Variants in FGF13 observed in about 807,000 individuals in gnomAD.
FGF13 encodes fibroblast growth factor 13.
A neutral mutation model predicts 19.5 loss-of-function variants in FGF13; 2 were observed. The observed-to-expected ratio is 0.10, with a 90% CI of 0.04 to 0.32. The LOEUF (loss-of-function observed/expected upper bound fraction) is 0.32. Ranked by LOEUF, FGF13 falls within the 10% of genes least tolerant of loss-of-function variation. The pLI, the probability that FGF13 is intolerant of heterozygous loss-of-function variation, is 1.00. For missense variants in FGF13, 113 were observed against 192.7 expected (o/e 0.59, Z 2.45); for synonymous variants, 72 against 76.9 (o/e 0.94, Z 0.33).
chrX:139,122,587 T>C (rs1243783274), intron 1 of FGF13, among the ~76,000 whole-genome samples: 1 of 111,991 alleles, frequency 8.9e-6, no homozygotes, highest in Admixed American at 9.5e-5. Flanking sequence ...ACTCTTTTGA[T>C]TCACATTCTT....
At chrX:138,958,162 T>G (rs1396924280) in intron 1 of FGF13, among the ~76,000 whole-genome samples, 1 of 111,857 alleles carries the variant, frequency 8.9e-6, no homozygotes, top group African/African-American at 3.3e-5. Flanking sequence ...GGCTGTGGGT[T>G]TGTCATAAAT....
chrX:138,677,655 C>T (rs2089685011), intron 3 of FGF13, among the ~76,000 whole-genome samples: 1 of 111,158 alleles, frequency 9.0e-6, no homozygotes, highest in South Asian at 3.9e-4. Context: ...GTTAGAATGG[C>T]AATCATTAAA....
At chrX:138,727,498 T>C (rs2124283521) in intron 1 of FGF13, among the ~76,000 whole-genome samples, 1 of 111,714 alleles carries the variant, frequency 9.0e-6, no homozygotes, top group Non-Finnish European at 1.9e-5. Flanking sequence ...AATAACATTC[T>C]GACTAAAGCC....
At chrX:139,118,066 C>T (rs927329462) in intron 1 of FGF13, among the ~76,000 whole-genome samples, 4 of 111,303 alleles carry the variant, frequency 3.6e-5, no homozygotes, top group Non-Finnish European at 7.5e-5. Context: ...CTCTGCAGTT[C>T]GCACAGTCCT....
chrX:138,684,939 C>G (rs2089764336), intron 3 of FGF13, among the ~76,000 whole-genome samples: 1 of 111,324 alleles, frequency 9.0e-6, no homozygotes, highest in Non-Finnish European at 1.9e-5. Context: ...CAGAGAACAA[C>G]AAACAATAAA....
chrX:139,026,327 A>G (rs2092200773), intron 1 of FGF13, among the ~76,000 whole-genome samples: 1 of 111,763 alleles, frequency 8.9e-6, no homozygotes, highest in African/African-American at 3.3e-5. Flanking sequence ...TTAAAATAAA[A>G]ATATCAACTT....
intron 1 of FGF13, among the ~76,000 whole-genome samples, chrX:139,087,757 A>T (rs1343070298): frequency 8.9e-6 from 1 of 112,167 alleles, no homozygotes; most frequent in African/African-American, 3.2e-5. Flanking sequence ...TCATTAACAC[A>T]GCAGTTTCTG....
chrX:138,825,432 G>A (rs990867230), intron 3 of FGF13, among the ~76,000 whole-genome samples: 1 of 112,104 alleles, frequency 8.9e-6, no homozygotes, highest in Non-Finnish European at 1.9e-5. Flanking sequence ...CGTCCATAAT[G>A]TGCAGCTACA....
At chrX:139,152,369 G>A (rs1367697581) in intron 1 of FGF13, among the ~76,000 whole-genome samples, 1 of 99,210 alleles carries the variant, frequency 1.0e-5, no homozygotes, top group Non-Finnish European at 2.2e-5. Flanking sequence ...GGCCTCCGAT[G>A]TGGGCCCAGC....
intron 1 of FGF13, among the ~76,000 whole-genome samples, chrX:139,067,491 A>G (rs1471987232): frequency 7.2e-5 from 8 of 111,760 alleles, no homozygotes; most frequent in Non-Finnish European, 1.5e-4. Flanking sequence ...CACCAATAAT[A>G]GACAAACAGA....
rs1007535952 is a variant in FGF13, at chrX:138,632,589, T to C, written c.*261A>G. 7 of 251,165 alleles carry C rather than the reference T, an allele frequency of 2.8e-5. No homozygotes were observed. The highest frequency in any genetic ancestry group is 4.3e-5 in the Non-Finnish European group (6 of 138,003). The allele number at this position is 251,165 out of a possible 1,213,427, so 20.7% of individuals were successfully genotyped here. A position where few individuals can be genotyped will look rare whatever the true frequency, so the allele number is the denominator to read the frequency against. On this transcript the variant is annotated 3_prime_UTR_variant, in exon 5 of 5. Coordinates refer to ENST00000315930, the MANE Select transcript of FGF13 (RefSeq NM_004114.5). ...TATCATCCCCAAAGTATAGGTGAGA[T>C]CATGAGAAAATTTGGCAGTCCTTCT...
intron 1 of FGF13, among the ~76,000 whole-genome samples, chrX:138,958,472 T>C (rs2091852132): frequency 9.0e-6 from 1 of 111,709 alleles, no homozygotes; most frequent in Non-Finnish European, 1.9e-5. Context: ...ATCAGGGATA[T>C]TGGTTTAAAT....
At chrX:139,064,324 C>T (rs1421356912) in intron 1 of FGF13, among the ~76,000 whole-genome samples, 1 of 50,892 alleles carries the variant, frequency 2.0e-5, no homozygotes, top group Non-Finnish European at 3.0e-5. Flanking sequence ...GAGACGGAGT[C>T]TCGCTCTGTC....
In FGF13 at chrX:138,628,560, C is replaced by G. The variant is rs1349787395; in HGVS notation, c.*4290G>C. 1 of 112,340 alleles carries G rather than the reference C, an allele frequency of 8.9e-6. No individual in the cohort carries two copies. The highest frequency in any genetic ancestry group is 1.9e-5 in the Non-Finnish European group (1 of 53,274). The allele number at this position is 112,340 out of a possible 1,213,427, so 9.3% of individuals were successfully genotyped here. The stretch of plus-strand genomic sequence containing the variant: ...ATTTTACCCATGAATGACATCGCAT[C>G]TAAATGAGGCTTCTAAGACACATTC... On this transcript the variant is annotated 3_prime_UTR_variant, in exon 5 of 5. Transcript: ENST00000315930.
At chrX:139,147,217 A>C (rs1472816551) in intron 1 of FGF13, among the ~76,000 whole-genome samples, 1 of 109,433 alleles carries the variant, frequency 9.1e-6, no homozygotes, top group Non-Finnish European at 1.9e-5. Flanking sequence ...AACAAGTTAA[A>C]AAAAAAAAAA....
chrX:138,926,330 A>T (rs1044601793), intron 1 of FGF13, among the ~76,000 whole-genome samples: 6 of 112,666 alleles, frequency 5.3e-5, no homozygotes. Flanking sequence ...CCAAACAAAG[A>T]TTCTTGCTTT....
intron 1 of FGF13, among the ~76,000 whole-genome samples, chrX:138,941,337 T>C (rs954215523): frequency 1.8e-5 from 2 of 112,078 alleles, no homozygotes; most frequent in Non-Finnish European, 3.8e-5. Context: ...AAAAGCACCT[T>C]GATCTGATAA....
intron 1 of FGF13, among the ~76,000 whole-genome samples, chrX:139,134,326 C>A (rs955188467): frequency 2.7e-5 from 3 of 111,837 alleles, no homozygotes; most frequent in Non-Finnish European, 5.6e-5. Context: ...GTTTAAATCC[C>A]CTTCATCTGC....
At chrX:138,835,142 T>A (rs2091102500) in intron 3 of FGF13, among the ~76,000 whole-genome samples, 1 of 111,717 alleles carries the variant, frequency 9.0e-6, no homozygotes, top group South Asian at 3.8e-4. Context: ...TGTTTTGAGT[T>A]GGAGAGTTCT....
Sources: gnomAD v4.1 joint callset for allele counts (sites outside exome capture counted in the v4.1 genomes callset) on GRCh38, gnomAD v4.1.1 for gene constraint, MANE v1.5 for transcripts, NCBI Gene and HGNC (gene_info 2026-07-23, HGNC 2026-07-21) for gene names.